Variants in FAT2 observed in about 807,000 individuals in gnomAD.
FAT2 encodes the protein protocadherin Fat 2.
A neutral mutation model predicts 295.3 loss-of-function variants in FAT2; 150 were observed. The ratio of observed to expected loss-of-function variants is 0.51; its 90% CI spans 0.44 to 0.58. The LOEUF is 0.58. Among genes scored for constraint, FAT2 ranks in the 20% least tolerant of loss-of-function variants. FAT2 has a pLI of 0.00. For synonymous variants in FAT2, 2,026 were observed against 2,150.3 expected (o/e 0.94, Z 1.60); for missense variants, 4,868 against 5,442.7 (o/e 0.89, Z 3.32).
At chr5:151,593,704 G>A (rs566053703), upstream of FAT2, among the ~76,000 whole-genome samples, 2 of 151,894 alleles carry the variant, frequency 1.3e-5, no homozygotes, top group African/African-American at 2.4e-5. Flanking sequence ...TGACCAAGAA[G>A]TAATAATAAT....
In FAT2 at chr5:151,511,737, A is replaced by T. The variant is rs760595626; in HGVS notation, c.11905+428T>A. 2.8e-4 allele frequency: 50 copies of T among 177,582 alleles called. 1 individual carries two copies. The highest frequency in any genetic ancestry group is 2.9e-3 in the Middle Eastern group (1 of 348). The allele number at this position is 177,582 out of a possible 1,614,324, so 11.0% of individuals were successfully genotyped here. On this transcript the variant is annotated intron_variant, in intron 21 of 23. Transcript: ENST00000261800. Reference sequence around the variant, plus strand: ...CATATACCACTTATATAAATTGGAAATTCAAGCATATGAAAAACAACATGT... The same window carrying T: ...CATATACCACTTATATAAATTGGAATTTCAAGCATATGAAAAACAACATGT...
intron 21 of FAT2, 31 bp from the exon 22 acceptor site, chr5:151,510,205 G>C: frequency 6.2e-7 from 1 of 1,611,826 alleles, no homozygotes; most frequent in Non-Finnish European, 8.5e-7. Flanking sequence ...GTGAGAGACC[G>C]CACTGGCCTA....
intron 5 of FAT2, among the ~76,000 whole-genome samples, chr5:151,553,641 T>A (rs1194569669): frequency 6.6e-6 from 1 of 152,246 alleles, no homozygotes; most frequent in Non-Finnish European, 1.5e-5. Flanking sequence ...TAAATGCCAC[T>A]GTTAACTGAA....
intron 6 of FAT2, among the ~76,000 whole-genome samples, chr5:151,551,976 GGTGTGTGTGT>G (rs56267278): frequency 9.8e-5 from 14 of 143,558 alleles, no homozygotes; most frequent in Admixed American, 4.2e-4. Flanking sequence ...TAACCCTAAG[GGTGTGTGTGT>G]GTGTGTGTGT....
rs757646772 is a variant in FAT2 at position 151,521,724 on chromosome 5, C to G, written c.10869G>C (p.Gly3623=). ...ACATGGCCTGCTGCAGAGCCTCCTG[C>G]CCCACATGCCACACGTACACATGGA... ...AGVHVYVWHV[G]QEALQQAMWM... is the part of the protein sequence containing the mutation. Residue 3623 remains glycine (G), a synonymous_variant, in exon 19 of 24, where the codon GGG becomes GGC. Coordinates refer to ENST00000261800, the MANE Select transcript of FAT2 (RefSeq NM_001447.3). The G allele has an allele frequency of 8.1e-6, 13 of 1,613,932 alleles. No homozygotes were observed. The highest frequency in any genetic ancestry group is 1.6e-4 in the Middle Eastern group (1 of 6,062).
Position 151,521,789 on chromosome 5 carries a change from C to T in FAT2, c.10804G>A (p.Val3602Ile), listed in dbSNP as rs549157480. Residue 3602 changes from valine to isoleucine, a missense_variant, in exon 19 of 24, where the codon GTC becomes ATC. This residue lies in a region of FAT2 where 1,046 missense variants were observed against 1,210.1 expected (regional missense o/e 0.86). Coordinates refer to ENST00000261800, the MANE Select transcript of FAT2 (RefSeq NM_001447.3). ...GTGAAGGTCCCATCGCTGACCGTGACGTTGAACGAGTAGTGGCCACGAGGC... is the reference window on the plus strand; with the variant it reads ...GTGAAGGTCCCATCGCTGACCGTGATGTTGAACGAGTAGTGGCCACGAGGC... Reference protein sequence around the residue: ...GLPRGHYSFNVTVSDGTFTTT... With the variant: ...GLPRGHYSFNITVSDGTFTTT... 1.5e-5 allele frequency: 24 copies of T among 1,614,186 alleles called. No homozygotes were observed. Among genetic ancestry groups the T allele is most frequent in the Middle Eastern group, 1.6e-4 (1 of 6,062 alleles).
In FAT2 at chr5:151,566,759, G is replaced by T; in HGVS notation, c.2173C>A (p.Leu725Ile). 6.2e-7 allele frequency: 1 copy of T among 1,614,136 alleles called. No individual in the cohort carries two copies. Reference sequence around the variant, plus strand: ...GGGGTGTTGATAGGGACACTCTCAAGGACATCAATGGATTGGGGGAAGTGG... The same window carrying T: ...GGGGTGTTGATAGGGACACTCTCAATGACATCAATGGATTGGGGGAAGTGG... ...EDHFPQSIDV[L>I]ESVPINTPLA... The change falls in exon 2 of 24, where the codon CTT becomes ATT. Residue 725 changes from leucine to isoleucine, a missense_variant. Physicochemically the swap from Leu to Ile is conservative, Grantham distance 5. Transcript: ENST00000261800.
At chr5:151,525,989 G>A (rs2127584888) in intron 17 of FAT2, 24 bp from the exon 18 acceptor site, 1 of 1,611,318 alleles carries the variant, frequency 6.2e-7, no homozygotes. Context: ...TGACAAAGAA[G>A]GCAAAGAGCA....
rs71274346 is a variant in FAT2 at position 151,537,220 on chromosome 5, AGAG to A, written c.9193+570_9193+572del. Among the ~76,000 whole-genome samples the A allele has an allele frequency of 9.7e-4, 146 of 151,012 alleles. 1 individual carries two copies. In the East Asian group the frequency reaches 0.023, roughly 24 times the overall value. On this transcript the variant is annotated intron_variant, in intron 12 of 23. Coordinates refer to ENST00000261800, the MANE Select transcript of FAT2 (RefSeq NM_001447.3). ...GAGAGAAAGAAGAAGAGGAAGAAGA[AGAG>A]GAGGAGGAGGAAGAAGAAGAAAAAG... is the stretch of plus-strand genomic sequence containing the variant.
chr5:151,510,274 CATTT>C (rs1324300902), intron 21 of FAT2, 100 bp from the exon 22 acceptor site: 12 of 1,367,632 alleles, frequency 8.8e-6, no homozygotes, highest in African/African-American at 8.6e-5. Flanking sequence ...GTTCAGTTAC[CATTT>C]ATTTATTTGG....
At chr5:151,560,464 A>G (rs895660817) in intron 3 of FAT2, among the ~76,000 whole-genome samples, 1 of 152,168 alleles carries the variant, frequency 6.6e-6, no homozygotes, top group Non-Finnish European at 1.5e-5. Flanking sequence ...TCCCTCTCAG[A>G]TAGCACCTGT....
intron 17 of FAT2, among the ~76,000 whole-genome samples, chr5:151,526,859 T>C (rs1754063101): frequency 6.6e-6 from 1 of 152,158 alleles, no homozygotes; most frequent in Non-Finnish European, 1.5e-5. Flanking sequence ...AAATCCTATT[T>C]GCAAACCATT....
At chr5:151,589,140 G>A (rs1290632149) in intron 1 of FAT2, among the ~76,000 whole-genome samples, 2 of 152,184 alleles carry the variant, frequency 1.3e-5, no homozygotes, top group African/African-American at 4.8e-5. Context: ...GAGGCTTTTA[G>A]AGGTCATGTC....
intron 8 of FAT2, 124 bp downstream of exon 8, chr5:151,550,466 C>G: frequency 8.8e-7 from 1 of 1,142,214 alleles, no homozygotes; most frequent in Non-Finnish European, 1.2e-6. Context: ...TGTGAAATGT[C>G]ACAACTCTGT....
chr5:151,560,181 C>G (rs559982661), intron 3 of FAT2, among the ~76,000 whole-genome samples: 4 of 152,164 alleles, frequency 2.6e-5, no homozygotes, highest in African/African-American at 9.7e-5. Flanking sequence ...CTCTTCTTCC[C>G]TCCTGCAGCA....
chr5:151,576,019 C>A (rs1364037578), intron 1 of FAT2, among the ~76,000 whole-genome samples: 5 of 152,184 alleles, frequency 3.3e-5, no homozygotes, highest in African/African-American at 1.2e-4. Context: ...GCATAGGAAC[C>A]ACAGGATTCA....
chr5:151,521,865 C>T lies in FAT2; in HGVS notation c.10728G>A (p.Arg3576=), dbSNP rs2127580203. The change falls in exon 19 of 24, where the codon AGG becomes AGA. Residue 3576 remains arginine, a synonymous_variant. Transcript: ENST00000261800. ...CATCAGGCGCACCCACTGAGAAGTG[C>T]CTGCCCAGGGTCTCCTCTTCTGCCA... The part of the protein sequence containing the change: ...YSLAEEETLG[R]HFSVGAPDGK... 1 of 1,614,186 alleles carries T rather than the reference C, an allele frequency of 6.2e-7. No homozygotes were observed. The highest frequency in any genetic ancestry group is 1.7e-4 in the Middle Eastern group (1 of 6,060).
At chr5:151,571,732 C>T (rs1758535447) in intron 1 of FAT2, among the ~76,000 whole-genome samples, 1 of 152,216 alleles carries the variant, frequency 6.6e-6, no homozygotes, top group Admixed American at 6.5e-5. Flanking sequence ...GGCGCAGAAG[C>T]ATGTTAGGCT....
Position 151,549,638 on chromosome 5 carries a change from ATGT to A in FAT2, c.4579-136_4579-134del, listed in dbSNP as rs1406469394. Reference sequence around the variant, plus strand: ...TAACTAACTCCCCATATTCTTTTAAATGTTGTTCTAATCTATATGCTCTTTTTC... The same window carrying A: ...TAACTAACTCCCCATATTCTTTTAAATGTTCTAATCTATATGCTCTTTTTC... On this transcript the variant is annotated intron_variant, in intron 8 of 23. Coordinates refer to ENST00000261800, the MANE Select transcript of FAT2 (RefSeq NM_001447.3). 1.2e-5 allele frequency: 8 copies of A among 679,908 alleles called. No individual in the cohort carries two copies. In the African/African-American group the frequency reaches 1.3e-4, roughly 11 times the overall value. 42.1% of individuals were successfully genotyped at this position (679,908 alleles called of 1,614,324 possible).
Sources: allele counts gnomAD v4.1 joint callset (sites outside exome capture counted in the v4.1 genomes callset), GRCh38; gene constraint gnomAD v4.1.1; regional missense constraint gnomAD v4.1.1; transcripts MANE v1.5; gene names NCBI Gene and HGNC (gene_info 2026-07-23, HGNC 2026-07-21).